The following UTRN variants were observed in gnomAD, a reference collection of about 807,000 sequenced individuals.
The protein encoded by UTRN is utrophin.
UTRN carries 283 observed loss-of-function variants against 463.9 expected under a neutral mutation model. The observed-to-expected ratio is 0.61, with a 90% confidence interval of 0.55 to 0.67. The LOEUF (loss-of-function observed/expected upper bound fraction) is 0.67. Ranked by LOEUF, UTRN falls within the 30% of genes least tolerant of loss-of-function variation. The pLI is 0.00. For synonymous variants in UTRN, 1,442 were observed against 1,431.5 expected (o/e 1.01, Z -0.17); for missense variants, 3,922 against 4,084.3 (o/e 0.96, Z 1.08).
In UTRN at chr6:144,533,712, A is replaced by G. The variant is rs530295418; in HGVS notation, c.6233+452A>G. 1.5e-4 allele frequency among the ~76,000 whole-genome samples: 17 copies of G among 117,008 alleles called. No homozygotes were observed. The South Asian group carries it at 2.0e-3, about 14-fold the overall frequency. 76.8% of individuals were successfully genotyped at this position (117,008 alleles called of 152,430 possible). A position where few individuals can be genotyped will look rare whatever the true frequency, so the allele number is the denominator to read the frequency against. On this transcript the variant is annotated intron_variant, in intron 43 of 74. Coordinates refer to ENST00000367545, the MANE Select transcript of UTRN (RefSeq NM_007124.3). ...TGCTTTGCCAATAATAAAGTTCTTC[A>G]TCTATGTAATATAATATAATATAAT...
chr6:144,720,385 G>A (rs1786997884), intron 53 of UTRN, among the ~76,000 whole-genome samples: 1 of 152,212 alleles, frequency 6.6e-6, no homozygotes, highest in South Asian at 2.1e-4. Flanking sequence ...ATAAGCAGCA[G>A]TTTATTCGGC....
chr6:144,825,789 C>T (rs1372715844), intron 66 of UTRN, among the ~76,000 whole-genome samples: 2 of 152,106 alleles, frequency 1.3e-5, no homozygotes, highest in Non-Finnish European at 2.9e-5. Context: ...TGACATTTAA[C>T]ATATTCAGGG....
At chr6:144,600,342 A>G (rs1007094660) in intron 51 of UTRN, among the ~76,000 whole-genome samples, 1 of 152,272 alleles carries the variant, frequency 6.6e-6, no homozygotes, top group African/African-American at 2.4e-5. Flanking sequence ...GGCCTCTTGC[A>G]TCCAACAGTT....
At chr6:144,544,326 A>G (rs1449625258) in intron 46 of UTRN, among the ~76,000 whole-genome samples, 1 of 152,212 alleles carries the variant, frequency 6.6e-6, no homozygotes, top group East Asian at 1.9e-4. Flanking sequence ...ATGCATTCAC[A>G]ATGTTGTACA....
At chr6:144,550,864 G>A (rs1798846164) in intron 47 of UTRN, 101 bp from the exon 48 acceptor site, 2 of 981,192 alleles carry the variant, frequency 2.0e-6, no homozygotes, top group Non-Finnish European at 1.4e-6. Flanking sequence ...TGCCATAGAG[G>A]AGGAAAACAA....
intron 21 of UTRN, 51 bp downstream of exon 21, chr6:144,459,405 C>G (rs1789186504): frequency 1.3e-6 from 2 of 1,520,494 alleles, no homozygotes; most frequent in South Asian, 1.3e-5. Flanking sequence ...TTAATGTAAA[C>G]ATGACTCCCA....
chr6:144,727,757 T>C (rs1317977799), intron 53 of UTRN, among the ~76,000 whole-genome samples: 1 of 151,644 alleles, frequency 6.6e-6, no homozygotes, highest in Non-Finnish European at 1.5e-5. Flanking sequence ...ACAGCGAGAC[T>C]CTGTCTCAAA....
At position 144,852,293 on chromosome 6, in the gene UTRN, G is replaced by A. The variant is rs1298088390; in HGVS notation, c.*1296G>A. The A allele has an allele frequency of 6.6e-6, 1 of 152,060 alleles. No homozygotes were observed. The highest frequency in any genetic ancestry group is 1.5e-5 in the Non-Finnish European group (1 of 67,980). 9.4% of individuals were successfully genotyped at this position (152,060 alleles called of 1,614,324 possible). ...GCATTCAATTATGTATTTTGGTTTA[G>A]CTTCTGATTTAACATTTAATTGATT... On this transcript the variant is annotated 3_prime_UTR_variant, in exon 75 of 75. Transcript: ENST00000367545.
intron 58 of UTRN, among the ~76,000 whole-genome samples, chr6:144,765,747 C>T (rs1279537624): frequency 6.6e-6 from 1 of 151,630 alleles, no homozygotes; most frequent in Admixed American, 6.6e-5. Flanking sequence ...CGGAATTATT[C>T]ATTATTTACA....
chr6:144,744,119 C>T (rs1790403750), intron 54 of UTRN, among the ~76,000 whole-genome samples: 1 of 144,082 alleles, frequency 6.9e-6, no homozygotes, highest in African/African-American at 2.5e-5. Context: ...GAGACCTCAT[C>T]CCTAAAAAAA....
chr6:144,395,402 T>G lies in UTRN; in HGVS notation c.80-7721T>G, dbSNP rs1287252031. ...TATGGTTGATAGAAAAGATGTTGAG[T>G]TTTTTTTTTTTTTTTTGCAAAATAT... is the stretch of plus-strand genomic sequence containing the variant. On this transcript the variant is annotated intron_variant, in intron 2 of 74. Transcript: ENST00000367545. Among the ~76,000 whole-genome samples the G allele has an allele frequency of 5.9e-5, 7 of 117,738 alleles. No individual in the cohort carries two copies. In the Middle Eastern group the frequency reaches 0.016, roughly 273 times the overall value. The allele number at this position is 117,738 out of a possible 152,430, so 77.2% of individuals were successfully genotyped here.
intron 51 of UTRN, among the ~76,000 whole-genome samples, chr6:144,583,804 T>C (rs116273687): frequency 6.6e-6 from 1 of 152,210 alleles, no homozygotes; most frequent in Non-Finnish European, 1.5e-5. Flanking sequence ...TAGTTTCTTT[T>C]GCAATTGACA....
intron 2 of UTRN, among the ~76,000 whole-genome samples, chr6:144,395,789 C>CT (rs1187262063): frequency 1.3e-5 from 2 of 152,176 alleles, no homozygotes; most frequent in Non-Finnish European, 2.9e-5. Flanking sequence ...CAGGAGGTGT[C>CT]TAAGTTTGGG....
chr6:144,824,614 C>CTCTCTTTTTTT (rs1315487327), intron 66 of UTRN, among the ~76,000 whole-genome samples: 1 of 30,878 alleles, frequency 3.2e-5, no homozygotes, highest in African/African-American at 1.1e-4. Flanking sequence ...ATATATATAT[C>CTCTCTTTTTTT]TTTTTTTTTT....
intron 51 of UTRN, among the ~76,000 whole-genome samples, chr6:144,672,895 T>G (rs1044428661): frequency 6.6e-6 from 1 of 152,142 alleles, no homozygotes; most frequent in Non-Finnish European, 1.5e-5. Flanking sequence ...GTTCAAATAA[T>G]TTTTTAATTT....
At chr6:144,411,320 G>T (rs947213190) in intron 3 of UTRN, among the ~76,000 whole-genome samples, 1 of 152,108 alleles carries the variant, frequency 6.6e-6, no homozygotes, top group African/African-American at 2.4e-5. Context: ...GTTATGTTGA[G>T]CATTTTTTCA....
chr6:144,736,621 A>G (rs1359242460), intron 54 of UTRN, among the ~76,000 whole-genome samples: 1 of 152,186 alleles, frequency 6.6e-6, no homozygotes, highest in Non-Finnish European at 1.5e-5. Flanking sequence ...TTCTCCATTA[A>G]CATAAATCCT....
intron 15 of UTRN, 79 bp from the exon 16 acceptor site, chr6:144,447,523 T>G: frequency 1.3e-6 from 2 of 1,506,756 alleles, no homozygotes; most frequent in Non-Finnish European, 1.8e-6. Flanking sequence ...AAAAGATACA[T>G]GTTTAAAATT....
At chr6:144,633,659 A>C (rs1379806850) in intron 51 of UTRN, among the ~76,000 whole-genome samples, 1 of 152,194 alleles carries the variant, frequency 6.6e-6, no homozygotes, top group Non-Finnish European at 1.5e-5. Flanking sequence ...CAGAGTAGTC[A>C]TCAAAAGGAA....
Sources: gnomAD v4.1 joint callset for allele counts (sites outside exome capture counted in the v4.1 genomes callset) on GRCh38, gnomAD v4.1.1 for gene constraint, MANE v1.5 for transcripts, NCBI Gene and HGNC (gene_info 2026-07-23, HGNC 2026-07-21) for gene names.